The following NCAM1 variants were observed in gnomAD, a reference collection of about 807,000 sequenced individuals.
NCAM1 encodes neural cell adhesion molecule 1, also known as antigen recognized by monoclonal antibody 5.1H11.
A neutral mutation model predicts 109.8 loss-of-function variants in NCAM1; 14 were observed. That is an observed-to-expected ratio of 0.13 (90% CI 0.08 to 0.20). The LOEUF is 0.20. Ranked by LOEUF, NCAM1 falls within the 10% of genes least tolerant of loss-of-function variation. The pLI is 1.00. For missense variants in NCAM1, 774 were observed against 1,109.9 expected, an observed-to-expected ratio of 0.70 and a Z score of 4.30; for synonymous variants, 418 against 442.9, an observed-to-expected ratio of 0.94 and a Z score of 0.70.
intron 1 of NCAM1, among the ~76,000 whole-genome samples, chr11:113,105,682 T>C (rs2135908535): frequency 6.6e-6 from 1 of 152,344 alleles, no homozygotes; most frequent in East Asian, 1.9e-4. Context: ...ACATAGTGTA[T>C]GATTCCATTT....
intron 1 of NCAM1, among the ~76,000 whole-genome samples, chr11:113,004,033 C>A (rs968414561): frequency 1.7e-4 from 26 of 152,146 alleles, no homozygotes; most frequent in African/African-American, 5.8e-4. Context: ...GAGAAGATGA[C>A]AAATCATTGT....
intron 1 of NCAM1, among the ~76,000 whole-genome samples, chr11:113,118,212 T>A (rs1390717437): frequency 6.6e-6 from 1 of 151,928 alleles, no homozygotes; most frequent in African/African-American, 2.4e-5. Flanking sequence ...AGATGTTAAA[T>A]CTTTTTACTC....
chr11:113,247,444 A>G (rs180809628), intron 15 of NCAM1, among the ~76,000 whole-genome samples: 220 of 152,274 alleles, frequency 1.4e-3, no homozygotes, highest in African/African-American at 5.1e-3. Context: ...ACAAACCGTC[A>G]ACAGCTGGTC....
chr11:113,092,039 C>T (rs782691163), intron 1 of NCAM1, among the ~76,000 whole-genome samples: 3 of 151,492 alleles, frequency 2.0e-5, no homozygotes, highest in Non-Finnish European at 4.4e-5. Flanking sequence ...CCACCCCATC[C>T]ACCAGTTTTC....
At chr11:112,964,145 TTTTTTTTTTG>T (rs1555064511) in intron 1 of NCAM1, among the ~76,000 whole-genome samples, 569 of 14,942 alleles carry the variant, frequency 0.038, 6 homozygotes, top group Admixed American at 0.057. Flanking sequence ...TTTTTGTTTT[TTTTTTTTTTG>T]TTTTTTTTTT....
chr11:112,961,678 T>G lies in NCAM1; in HGVS notation c.52+14T>G. On this transcript the variant is annotated intron_variant, in intron 1 of 19. Coordinates refer to ENST00000316851, the MANE Select transcript of NCAM1 (RefSeq NM_181351.5). ...TGGGAACTGCAGGTACATTTTTTTT[T>G]TTTTTAATTCTCAATCTGGTTTGCT... 7.0e-7 allele frequency: 1 copy of G among 1,430,416 alleles called. No individual in the cohort carries two copies. The allele number at this position is 1,430,416 out of a possible 1,614,324, so 88.6% of individuals were successfully genotyped here.
intron 7 of NCAM1, among the ~76,000 whole-genome samples, chr11:113,209,217 G>C (rs184111465): frequency 2.6e-5 from 4 of 152,306 alleles, no homozygotes; most frequent in Admixed American, 2.6e-4. Flanking sequence ...GGGAATCAGG[G>C]TTGGGACCTG....
intron 14 of NCAM1, chr11:113,242,909 T>C (rs1945376616): frequency 6.2e-7 from 1 of 1,612,768 alleles, no homozygotes; most frequent in Admixed American, 1.7e-5. Flanking sequence ...AGCCGACTTC[T>C]AGATTACAGC....
intron 1 of NCAM1, among the ~76,000 whole-genome samples, chr11:113,187,344 G>A (rs1555109042): frequency 1.3e-5 from 2 of 152,150 alleles, no homozygotes; most frequent in African/African-American, 4.8e-5. Flanking sequence ...CAAGGGTTCA[G>A]GGAAGGTACA....
chr11:113,140,729 A>T (rs1191859639), intron 1 of NCAM1, among the ~76,000 whole-genome samples: 18 of 152,148 alleles, frequency 1.2e-4, no homozygotes, highest in African/African-American at 4.3e-4. Context: ...GTTTTGATTG[A>T]TTACTTCATT....
chr11:113,210,750 G>A (rs1944361923), intron 7 of NCAM1, among the ~76,000 whole-genome samples: 2 of 130,756 alleles, frequency 1.5e-5, no homozygotes, highest in African/African-American at 5.8e-5. Context: ...CCACACCTTG[G>A]ACACATACAC....
At chr11:113,136,938 G>A (rs959016394) in intron 1 of NCAM1, among the ~76,000 whole-genome samples, 12 of 152,186 alleles carry the variant, frequency 7.9e-5, no homozygotes, top group African/African-American at 2.9e-4. Context: ...TCCAGGGGAA[G>A]GCCAAGGCTG....
rs556461659 is a variant in NCAM1, at chr11:113,048,980, G to A, written c.52+87316G>A. ...TTGTTCTACGGGCTAAGGGTGCAGTGATGAACCAGACCCCTACAGTTCCTG... is the reference window on the plus strand; with the variant it reads ...TTGTTCTACGGGCTAAGGGTGCAGTAATGAACCAGACCCCTACAGTTCCTG... On this transcript the variant is annotated intron_variant, in intron 1 of 19. Transcript: ENST00000316851. 2.6e-5 allele frequency among the ~76,000 whole-genome samples: 4 copies of A among 152,258 alleles called. No homozygotes were observed. In the South Asian group the frequency reaches 8.3e-4, roughly 32 times the overall value.
At chr11:113,228,647 A>G (rs1341655694) in intron 9 of NCAM1, among the ~76,000 whole-genome samples, 1 of 152,238 alleles carries the variant, frequency 6.6e-6, no homozygotes, top group Non-Finnish European at 1.5e-5. Flanking sequence ...CCAAAAGAAC[A>G]AAGCTGGAGG....
chr11:113,099,559 G>A (rs1470397682), intron 1 of NCAM1, among the ~76,000 whole-genome samples: 1 of 152,202 alleles, frequency 6.6e-6, no homozygotes, highest in Non-Finnish European at 1.5e-5. Flanking sequence ...AAGCATGAAA[G>A]GAGCTGACAA....
chr11:113,188,452 G>A (rs1943578713), intron 1 of NCAM1, among the ~76,000 whole-genome samples: 2 of 152,166 alleles, frequency 1.3e-5, no homozygotes, highest in Admixed American at 1.3e-4. Context: ...GAGTTTGTTT[G>A]GGGAAGTTTC....
chr11:112,994,593 G>A (rs1354167839), intron 1 of NCAM1, among the ~76,000 whole-genome samples: 2 of 152,172 alleles, frequency 1.3e-5, no homozygotes, highest in African/African-American at 4.8e-5. Context: ...GGGACAATGG[G>A]GAAGAGGAGT....
chr11:113,166,154 G>A (rs184260444), intron 1 of NCAM1, among the ~76,000 whole-genome samples: 4 of 152,132 alleles, frequency 2.6e-5, no homozygotes, highest in East Asian at 1.9e-4. Context: ...TTCTTTCCAC[G>A]CCTGTTTATA....
At chr11:112,961,748 G>A in intron 1 of NCAM1, 84 bp downstream of exon 1, 1 of 941,544 alleles carries the variant, frequency 1.1e-6, no homozygotes, top group South Asian at 1.5e-5. Context: ...TATTATTTTG[G>A]GTGGTTTTAC....
Sources: allele counts gnomAD v4.1 joint callset (sites outside exome capture counted in the v4.1 genomes callset), GRCh38; gene constraint gnomAD v4.1.1; transcripts MANE v1.5; gene names NCBI Gene and HGNC (gene_info 2026-07-23, HGNC 2026-07-21).